RAMP1: variants seen among roughly 807,000 people sequenced by gnomAD.
RAMP1 encodes receptor activity-modifying protein 1.
In RAMP1, 7 loss-of-function variants were observed where a neutral mutation model predicts 8.2. The ratio of observed to expected loss-of-function variants is 0.85; its 90% CI spans 0.49 to 1.60. The LOEUF is 1.60. Among genes scored for constraint, RAMP1 ranks in the 40% most tolerant of loss-of-function variants. The probability of loss-of-function intolerance (pLI) is 0.00; values close to 1 mark genes in which losing one functional copy is unlikely to be tolerated. For synonymous variants in RAMP1, 92 were observed against 84.7 expected, an observed-to-expected ratio of 1.09 and a Z score of -0.47; for missense variants, 192 against 202.4, an observed-to-expected ratio of 0.95 and a Z score of 0.31.
intron 2 of RAMP1, among the ~76,000 whole-genome samples, chr2:237,902,698 C>A (rs1192103265): frequency 1.3e-5 from 2 of 152,206 alleles, no homozygotes; most frequent in Non-Finnish European, 2.9e-5. Flanking sequence ...AGGGTCCCAG[C>A]CCTGCCTGCA....
At chr2:237,908,336 C>T (rs1299118756) in intron 2 of RAMP1, among the ~76,000 whole-genome samples, 1 of 152,146 alleles carries the variant, frequency 6.6e-6, no homozygotes, top group East Asian at 1.9e-4. Context: ...CATTCCTACC[C>T]CTCTTCCCTG....
rs550249200 is a variant in RAMP1 at position 237,877,163 on chromosome 2, C to T, written c.53-61C>T. 5.0e-6 allele frequency: 8 copies of T among 1,607,522 alleles called. No individual in the cohort carries two copies. The highest frequency in any genetic ancestry group is 4.4e-5 in the South Asian group (4 of 90,912). On this transcript the variant is annotated intron_variant, in intron 1 of 2. Coordinates refer to ENST00000254661, the MANE Select transcript of RAMP1 (RefSeq NM_005855.4). The surrounding 1 kb of genome is among the most constrained non-coding windows in gnomAD (Gnocchi z 4.4). ...CGGGCTGCAGGGGCGCGCGGGCTGG[C>T]GGTGATACCCCTAGGCCTCTGCTGC...
chr2:237,860,346 C>T (rs1005687777), intron 1 of RAMP1, among the ~76,000 whole-genome samples: 5 of 152,122 alleles, frequency 3.3e-5, no homozygotes, highest in Non-Finnish European at 7.4e-5. Flanking sequence ...TTTTGGTTTG[C>T]TTGTTAACTT....
intron 2 of RAMP1, among the ~76,000 whole-genome samples, chr2:237,884,271 T>A (rs1474337906): frequency 1.3e-5 from 2 of 152,162 alleles, no homozygotes; most frequent in African/African-American, 4.8e-5. Context: ...GGGGTTATCA[T>A]CTCATTAAGC....
chr2:237,860,672 T>C (rs1309627893), intron 1 of RAMP1, among the ~76,000 whole-genome samples: 1 of 147,218 alleles, frequency 6.8e-6, no homozygotes, highest in African/African-American at 2.4e-5. Context: ...GCCGGAGCAG[T>C]TGTTTCTGGT....
At chr2:237,882,016 T>C (rs1326285898) in intron 2 of RAMP1, among the ~76,000 whole-genome samples, 1 of 152,216 alleles carries the variant, frequency 6.6e-6, no homozygotes, top group Non-Finnish European at 1.5e-5. Context: ...GTGGTCCCAC[T>C]GGTTCCATCG....
At chr2:237,904,746 A>G (rs1483519614) in intron 2 of RAMP1, among the ~76,000 whole-genome samples, 1 of 152,254 alleles carries the variant, frequency 6.6e-6, no homozygotes, top group Non-Finnish European at 1.5e-5. Context: ...TGTATACGTC[A>G]TGAGCCAGTC....
rs191521266 is a variant in RAMP1 at position 237,877,691 on chromosome 2, G to T, written c.191+329G>T. 5.8e-4 allele frequency among the ~76,000 whole-genome samples: 89 copies of T among 152,268 alleles called. No homozygotes were observed. Among genetic ancestry groups the T allele is most frequent in the African/African-American group, 2.1e-3 (89 of 41,558 alleles). Reference sequence around the variant, plus strand: ...GAGAGTAGGGTCTCATGCCCAGGGTGGCCGGGTCTCTGACTGGAGCCTGGC... The same window carrying T: ...GAGAGTAGGGTCTCATGCCCAGGGTTGCCGGGTCTCTGACTGGAGCCTGGC... On this transcript the variant is annotated intron_variant, in intron 2 of 2. Coordinates refer to ENST00000254661, the MANE Select transcript of RAMP1 (RefSeq NM_005855.4). The surrounding 1 kb of genome is among the most constrained non-coding windows in gnomAD (Gnocchi z 4.4).
intron 2 of RAMP1, among the ~76,000 whole-genome samples, chr2:237,901,053 G>A (rs1208358224): frequency 1.3e-5 from 2 of 152,206 alleles, no homozygotes; most frequent in African/African-American, 2.4e-5. Context: ...TGGCAGCTGC[G>A]GGCTGTCTGT....
chr2:237,861,958 A>G (rs2062137243), intron 1 of RAMP1, among the ~76,000 whole-genome samples: 1 of 152,132 alleles, frequency 6.6e-6, no homozygotes, highest in Admixed American at 6.5e-5. Flanking sequence ...AAGTTTGTGT[A>G]TAGACACCGA....
At chr2:237,859,804 G>C in intron 1 of RAMP1, 77 bp downstream of exon 1, 5 of 1,069,338 alleles carry the variant, frequency 4.7e-6, no homozygotes, top group Non-Finnish European at 6.0e-6. Context: ...GGAGGGGAGC[G>C]GGTGGGAGCG....
chr2:237,870,503 A>G (rs1026131091), intron 1 of RAMP1, among the ~76,000 whole-genome samples: 3 of 152,258 alleles, frequency 2.0e-5, no homozygotes, highest in Non-Finnish European at 4.4e-5. Context: ...TAATACTTAC[A>G]GAGGCTTCCG....
intron 2 of RAMP1, among the ~76,000 whole-genome samples, chr2:237,894,810 G>A (rs1337717185): frequency 6.6e-6 from 1 of 152,198 alleles, no homozygotes; most frequent in Admixed American, 6.5e-5. Context: ...TCCCCGTGGT[G>A]CACAAACACG....
At chr2:237,885,958 G>A (rs1023175937) in intron 2 of RAMP1, among the ~76,000 whole-genome samples, 2 of 152,206 alleles carry the variant, frequency 1.3e-5, no homozygotes, top group Non-Finnish European at 2.9e-5. Flanking sequence ...TGGGAGCCGG[G>A]TCCTCGAAGA....
chr2:237,880,275 G>A (rs13386048), intron 2 of RAMP1, among the ~76,000 whole-genome samples: 62,472 of 152,032 alleles, frequency 0.41, 14,619 homozygotes, highest in African/African-American at 0.65. Context: ...AGGTCCCTTA[G>A]GTTGGTCCCA....
intron 2 of RAMP1, among the ~76,000 whole-genome samples, chr2:237,882,698 G>A (rs2062382906): frequency 6.6e-6 from 1 of 152,244 alleles, no homozygotes; most frequent in Non-Finnish European, 1.5e-5. Context: ...GTCTCCAGTA[G>A]CAGCGAGGGC....
chr2:237,902,691 G>A (rs1010447241), intron 2 of RAMP1, among the ~76,000 whole-genome samples: 5 of 152,158 alleles, frequency 3.3e-5, no homozygotes, highest in African/African-American at 1.2e-4. Flanking sequence ...TCACCAGAGG[G>A]TCCCAGCCCT....
chr2:237,901,431 G>C (rs1691671020), intron 2 of RAMP1, among the ~76,000 whole-genome samples: 1 of 152,224 alleles, frequency 6.6e-6, no homozygotes, highest in Admixed American at 6.5e-5. Flanking sequence ...AAATATGATT[G>C]AAGCATCCAG....
chr2:237,885,804 GC>G (rs919226025), intron 2 of RAMP1, among the ~76,000 whole-genome samples: 1 of 152,114 alleles, frequency 6.6e-6, no homozygotes, highest in Admixed American at 6.5e-5. Context: ...CCCACCCTCT[GC>G]CCCCCCTGGG....
Sources: allele counts gnomAD v4.1 joint callset (sites outside exome capture counted in the v4.1 genomes callset), GRCh38; gene constraint gnomAD v4.1.1; non-coding constraint Gnocchi (gnomAD v3.1); transcripts MANE v1.5; gene names NCBI Gene and HGNC (gene_info 2026-07-23, HGNC 2026-07-21).